Variants in TAT observed in about 807,000 individuals in gnomAD.
The protein encoded by TAT is tyrosine aminotransferase, also known as L-tyrosine:2-oxoglutarate aminotransferase.
In TAT, 35 loss-of-function variants were observed where a neutral mutation model predicts 53.6. The observed-to-expected ratio is 0.65, with a 90% confidence interval of 0.50 to 0.87. The LOEUF (loss-of-function observed/expected upper bound fraction) is 0.87, where lower values mean the gene tolerates loss of function less well. TAT is among the 40% of genes least tolerant of loss of function. TAT has a pLI of 0.00. For missense variants in TAT, 525 were observed against 571.8 expected, an observed-to-expected ratio of 0.92 and a Z score of 0.83; for synonymous variants, 197 against 206.5, an observed-to-expected ratio of 0.95 and a Z score of 0.39.
chr16:71,570,960 C>T, intron 7 of TAT, 129 bp from the exon 8 acceptor site: 1 of 1,167,738 alleles, frequency 8.6e-7, no homozygotes, highest in South Asian at 1.3e-5. Context: ...CATCCCTACC[C>T]TGAAGCATGA....
Position 71,573,559 on chromosome 16 carries a change from C to T in TAT, c.388G>A (p.Glu130Lys). ...CTCACCTTAGCTTCTAGGGGTGCCT[C>T]AGGACAGTGGTAATAAGAAGCAATC... ...EEIASYYHCP[E>K]APLEAKDVIL... is the part of the protein sequence containing the mutation. Residue 130 changes from glutamate to lysine, a missense_variant, in exon 4 of 12, where the codon GAG (glutamate) becomes AAG (lysine). Physicochemically the swap from Glu to Lys is moderately conservative, Grantham distance 56. Coordinates refer to ENST00000355962, the MANE Select transcript of TAT (RefSeq NM_000353.3). 6.4e-7 allele frequency: 1 copy of T among 1,554,902 alleles called. No individual in the cohort carries two copies. Among genetic ancestry groups the T allele is most frequent in the Admixed American group, 1.9e-5 (1 of 51,548 alleles).
intron 3 of TAT, among the ~76,000 whole-genome samples, chr16:71,574,581 CAA>C (rs71389677): frequency 2.5e-5 from 2 of 79,808 alleles, no homozygotes; most frequent in East Asian, 5.0e-4. Flanking sequence ...AACTTCGTCT[CAA>C]AAAAAAAAAA....
Position 71,568,757 on chromosome 16 carries a change from G to T in TAT, c.1178C>A (p.Thr393Lys), listed in dbSNP as rs142634310. 1 of 1,613,958 alleles carries T rather than the reference G, an allele frequency of 6.2e-7. No homozygotes were observed. Among genetic ancestry groups the T allele is most frequent in the South Asian group, 1.1e-5 (1 of 90,994 alleles). ...FPEFENDVEFTERLVAEQSVH... is the reference protein window; with the variant it reads ...FPEFENDVEFKERLVAEQSVH... ...AGACTGCTCAGCAACTAACCGCTCC[G>T]TGAACTCCACATCGTTCTCAAATTC... Residue 393 changes from threonine (T) to lysine (K), a missense_variant, in exon 11 of 12, where the codon ACG becomes AAG. Coordinates refer to ENST00000355962, the MANE Select transcript of TAT (RefSeq NM_000353.3).
chr16:71,573,526 G>A lies in TAT; in HGVS notation c.408+13C>T. 1 of 1,551,964 alleles carries A rather than the reference G, an allele frequency of 6.4e-7. No homozygotes were observed. The highest frequency in any genetic ancestry group is 2.4e-5 in the East Asian group (1 of 41,016). On this transcript the variant is annotated intron_variant, in intron 4 of 11. Coordinates refer to ENST00000355962, the MANE Select transcript of TAT (RefSeq NM_000353.3). ...TAAATTGCTTCAGAGCTGGTGTCTTGTATAAGGCTCACCTTAGCTTCTAGG... is the reference window on the plus strand; with the variant it reads ...TAAATTGCTTCAGAGCTGGTGTCTTATATAAGGCTCACCTTAGCTTCTAGG...
chr16:71,573,006 C>T lies in TAT; in HGVS notation c.409-318G>A, dbSNP rs574798140. Among the ~76,000 whole-genome samples the T allele has an allele frequency of 2.0e-4, 30 of 152,266 alleles. 1 individual carries two copies. The South Asian group carries it at 5.2e-3, about 26-fold the overall frequency. On this transcript the variant is annotated intron_variant, in intron 4 of 11. Transcript: ENST00000355962. ...GCCAGAGATTTGAAGCCTGGCTCTT[C>T]GCTGACATACAGGTGACAGACACAC...
chr16:71,570,276 A>G lies in TAT; in HGVS notation c.1034T>C (p.Phe345Ser), dbSNP rs1159599890. 6.2e-7 allele frequency: 1 copy of G among 1,614,182 alleles called. No individual in the cohort carries two copies. Among genetic ancestry groups the G allele is most frequent in the Admixed American group, 1.7e-5 (1 of 60,034 alleles). ...GGCAGGAGCTGCCCTTACCTTGAGG[A>G]AGCTCAGAGTGTTGTGGTAAAACTC... is the stretch of plus-strand genomic sequence containing the variant. ...PGEFYHNTLS[F>S]LKSNADLCYG... The change falls in exon 9 of 12, where the codon TTC becomes TCC. Residue 345 changes from phenylalanine to serine, a missense_variant. Transcript: ENST00000355962.
chr16:71,566,926 A>G lies in TAT; in HGVS notation c.*1218T>C, dbSNP rs1424603108. 1 of 151,932 alleles carries G rather than the reference A, an allele frequency of 6.6e-6. No individual in the cohort carries two copies. Among genetic ancestry groups the G allele is most frequent in the Non-Finnish European group, 1.5e-5 (1 of 67,984 alleles). The allele number at this position is 151,932 out of a possible 1,614,324, so 9.4% of individuals were successfully genotyped here. A position where few individuals can be genotyped will look rare whatever the true frequency, so the allele number is the denominator to read the frequency against. On this transcript the variant is annotated 3_prime_UTR_variant, in exon 12 of 12. Transcript: ENST00000355962. Reference sequence around the variant, plus strand: ...CTTGGCAAAATAAAAGATCTTATCAATATAAATGTTTCTTAGAAAATGTAT... The same window carrying G: ...CTTGGCAAAATAAAAGATCTTATCAGTATAAATGTTTCTTAGAAAATGTAT...
Position 71,573,588 on chromosome 16 carries a change from T to C in TAT, c.359A>G (p.Glu120Gly). ...ACAGTGGTAATAAGAAGCAATCTCC[T>C]CCCGACTGGATAGGAAGCCTGAAAG... ...APSIGFLSSR[E>G]EIASYYHCPE... Residue 120 changes from glutamate (E) to glycine (G), a missense_variant, in exon 4 of 12, where the codon GAG becomes GGG. By Grantham distance (98) the Glu-to-Gly change is moderately conservative. Coordinates refer to ENST00000355962, the MANE Select transcript of TAT (RefSeq NM_000353.3). The C allele has an allele frequency of 1.3e-6, 2 of 1,554,414 alleles. No individual in the cohort carries two copies. The highest frequency in any genetic ancestry group is 1.2e-5 in the South Asian group (1 of 84,208).
At chr16:71,573,364 A>G (rs2044215928) in intron 4 of TAT, among the ~76,000 whole-genome samples, 175 bp downstream of exon 4, 1 of 152,194 alleles carries the variant, frequency 6.6e-6, no homozygotes, top group South Asian at 2.1e-4. Flanking sequence ...TAATGACATT[A>G]ACTATAATCA....
At chr16:71,568,408 C>T (rs1188755143) in intron 11 of TAT, 124 bp from the exon 12 acceptor site, 1 of 931,630 alleles carries the variant, frequency 1.1e-6, no homozygotes, top group Admixed American at 2.1e-5. Flanking sequence ...GTTCATTCAG[C>T]TCCCATGACT....
chr16:71,576,494 T>G, intron 1 of TAT, 67 bp from the exon 2 acceptor site: 1 of 1,368,826 alleles, frequency 7.3e-7, no homozygotes, highest in Non-Finnish European at 1.0e-6. Context: ...GAGCTACATT[T>G]GGACCTAAAC....
At chr16:71,568,347 T>C (rs2145228982) in intron 11 of TAT, 63 bp from the exon 12 acceptor site, 5 of 1,561,590 alleles carry the variant, frequency 3.2e-6, no homozygotes, top group Non-Finnish European at 4.4e-6. Flanking sequence ...CACCCTAAAA[T>C]GGTCAGGACC....
rs1323639275 is a variant in TAT at position 71,573,606 on chromosome 16, C to A, written c.341G>T (p.Gly114Val). 1.3e-6 allele frequency: 2 copies of A among 1,552,876 alleles called. No homozygotes were observed. Among genetic ancestry groups the A allele is most frequent in the South Asian group, 1.2e-5 (1 of 84,118 alleles). Residue 114 changes from glycine to valine, a missense_variant and splice_region_variant, in exon 4 of 12, where the codon GGC becomes GTC. By Grantham distance (109) the Gly-to-Val change is moderately radical. Coordinates refer to ENST00000355962, the MANE Select transcript of TAT (RefSeq NM_000353.3). ...AATCTCCTCCCGACTGGATAGGAAGCCTGAAAGAAAAGAGTGGAAAGTGGA... is the reference window on the plus strand; with the variant it reads ...AATCTCCTCCCGACTGGATAGGAAGACTGAAAGAAAAGAGTGGAAAGTGGA... ...GKYNGYAPSIGFLSSREEIAS... is the reference protein window; with the variant it reads ...GKYNGYAPSIVFLSSREEIAS...
rs1395182099 is a variant in TAT, at chr16:71,570,368, C to T, written c.942G>A (p.Gln314=). Residue 314 remains glutamine, a synonymous_variant, in exon 9 of 12, where the codon CAG becomes CAA. Transcript: ENST00000355962. ...CAATGGTACAGGGTCCCAAAATGCG[C>T]TGACTCAGCTTCACCAGCCCATCTC... is the stretch of plus-strand genomic sequence containing the variant. The part of the protein sequence containing the change: ...EIRDGLVKLS[Q]RILGPCTIVQ... The T allele has an allele frequency of 8.7e-6, 14 of 1,614,078 alleles. No homozygotes were observed. The highest frequency in any genetic ancestry group is 2.7e-5 in the African/African-American group (2 of 74,928).
At chr16:71,570,445 C>G in intron 8 of TAT, 48 bp from the exon 9 acceptor site, 1 of 1,614,016 alleles carries the variant, frequency 6.2e-7, no homozygotes, top group Non-Finnish European at 8.5e-7. Flanking sequence ...TCTTAAGCAT[C>G]TCTGTCTTAG....
At chr16:71,571,533 G>A (rs2044202853) in intron 7 of TAT, 73 bp downstream of exon 7, 1 of 1,384,530 alleles carries the variant, frequency 7.2e-7, no homozygotes, top group Non-Finnish European at 1.0e-6. Context: ...AGTTGTTTCT[G>A]ATTATTCCAC....
intron 10 of TAT, among the ~76,000 whole-genome samples, chr16:71,569,301 A>G (rs951570668): frequency 6.6e-6 from 1 of 152,144 alleles, no homozygotes; most frequent in Non-Finnish European, 1.5e-5. Flanking sequence ...CTGTATCTAC[A>G]TATATAAAAT....
rs1363412563 is a variant in TAT at position 71,566,154 on chromosome 16, T to C, written c.*1990A>G. ...ACGGGAAACTGAAATCTTTATCTAATCTCATCCTTTGTATATTCGTCTTGG... is the reference window on the plus strand; with the variant it reads ...ACGGGAAACTGAAATCTTTATCTAACCTCATCCTTTGTATATTCGTCTTGG... On this transcript the variant is annotated 3_prime_UTR_variant, in exon 12 of 12. Transcript: ENST00000355962. 2.0e-5 allele frequency: 3 copies of C among 152,156 alleles called. No homozygotes were observed. The highest frequency in any genetic ancestry group is 4.4e-5 in the Non-Finnish European group (3 of 68,038). The allele number at this position is 152,156 out of a possible 1,614,324, so 9.4% of individuals were successfully genotyped here. A position where few individuals can be genotyped will look rare whatever the true frequency, so the allele number is the denominator to read the frequency against.
chr16:71,573,798 T>G (rs540241754), intron 3 of TAT, among the ~76,000 whole-genome samples, 192 bp from the exon 4 acceptor site: 1 of 152,034 alleles, frequency 6.6e-6, no homozygotes, highest in Non-Finnish European at 1.5e-5. Context: ...ATTCAGCTAA[T>G]TTTTGAATTT....
Sources: allele counts gnomAD v4.1 joint callset (sites outside exome capture counted in the v4.1 genomes callset), GRCh38; gene constraint gnomAD v4.1.1; transcripts MANE v1.5; gene names NCBI Gene and HGNC (gene_info 2026-07-23, HGNC 2026-07-21).